NRG1: variants seen among roughly 807,000 people sequenced by gnomAD.
NRG1 encodes the protein neuregulin 1, also known as pro-neuregulin-1, membrane-bound isoform.
Under a neutral mutation model 63.8 loss-of-function variants are expected in NRG1, and 18 were observed. The ratio of observed to expected loss-of-function variants is 0.28; its 90% CI spans 0.19 to 0.42. NRG1 has a LOEUF of 0.42. Among genes scored for constraint, NRG1 ranks in the 10% least tolerant of loss-of-function variants. NRG1 has a pLI of 1.00. For missense variants in NRG1, 762 were observed against 814.7 expected (o/e 0.94, Z 0.79); for synonymous variants, 302 against 301.3 (o/e 1.00, Z -0.02).
chr8:32,723,804 G>A (rs1260503996), intron 5 of NRG1, among the ~76,000 whole-genome samples: 2 of 150,830 alleles, frequency 1.3e-5, no homozygotes, highest in Non-Finnish European at 3.0e-5. Flanking sequence ...GGGAGGGAGG[G>A]GCAGGCTGAA....
At chr8:32,308,097 C>G (rs1056635029) in intron 1 of NRG1, among the ~76,000 whole-genome samples, 1 of 152,174 alleles carries the variant, frequency 6.6e-6, no homozygotes, top group Non-Finnish European at 1.5e-5. Context: ...TAGGGTGTCT[C>G]TGTTTTTTTG....
At chr8:32,506,176 G>T (rs1440476565) in intron 1 of NRG1, among the ~76,000 whole-genome samples, 1 of 152,192 alleles carries the variant, frequency 6.6e-6, no homozygotes, top group Non-Finnish European at 1.5e-5. Context: ...TTGACCCTGG[G>T]AGTTTGAAGT....
At chr8:31,871,566 GC>G (rs1479839700) in intron 1 of NRG1, among the ~76,000 whole-genome samples, 1 of 151,958 alleles carries the variant, frequency 6.6e-6, no homozygotes, top group Non-Finnish European at 1.5e-5. Context: ...TCCAGAGTCT[GC>G]CCATAGGCCA....
At chr8:32,055,271 A>T (rs1822730706) in intron 1 of NRG1, among the ~76,000 whole-genome samples, 1 of 152,124 alleles carries the variant, frequency 6.6e-6, no homozygotes, top group Non-Finnish European at 1.5e-5. Context: ...TTTTGTGTGT[A>T]ACATTTGAGC....
chr8:31,956,618 C>T lies in NRG1; in HGVS notation c.37+317187C>T, dbSNP rs370585768. Among the ~76,000 whole-genome samples, 40 of 151,802 alleles carry T rather than the reference C, an allele frequency of 2.6e-4. No individual in the cohort carries two copies. In the East Asian group the frequency reaches 6.2e-3, roughly 24 times the overall value. On this transcript the variant is annotated intron_variant, in intron 1 of 10. Coordinates refer to the NRG1 transcript ENST00000519301. Reference sequence around the variant, plus strand: ...CAGTCTGGGCGATAAAGCGAGACTCCGTCTCAAAAAAAAAAAGTATTCTGT... The same window carrying T: ...CAGTCTGGGCGATAAAGCGAGACTCTGTCTCAAAAAAAAAAAGTATTCTGT...
At chr8:32,123,373 C>T (rs2131570534) in intron 1 of NRG1, among the ~76,000 whole-genome samples, 1 of 151,914 alleles carries the variant, frequency 6.6e-6, no homozygotes, top group Non-Finnish European at 1.5e-5. Context: ...AGTTCCCCTA[C>T]ACAAGTTCTC....
chr8:32,648,023 G>A (rs1304015119), intron 5 of NRG1: 1 of 1,614,134 alleles, frequency 6.2e-7, no homozygotes, highest in Non-Finnish European at 8.5e-7. Flanking sequence ...TTGTGGACAA[G>A]ATCTTTGAAT....
At chr8:32,152,684 AG>A (rs757438851) in intron 1 of NRG1, among the ~76,000 whole-genome samples, 25 of 152,340 alleles carry the variant, frequency 1.6e-4, no homozygotes, top group Admixed American at 5.9e-4. Context: ...TAATATAGAA[AG>A]AATTGTCCCA....
At chr8:32,508,104 C>T (rs1397296363) in intron 1 of NRG1, among the ~76,000 whole-genome samples, 1 of 152,196 alleles carries the variant, frequency 6.6e-6, no homozygotes, top group Non-Finnish European at 1.5e-5. Context: ...CACTTTTCAA[C>T]CATTAACAAA....
At chr8:32,561,520 C>G (rs1204955916) in intron 1 of NRG1, among the ~76,000 whole-genome samples, 2 of 144,110 alleles carry the variant, frequency 1.4e-5, no homozygotes, top group Non-Finnish European at 3.1e-5. Context: ...CCTCAGCGCT[C>G]TTAAACTTTT....
rs141495193 is a variant in NRG1, at chr8:31,720,438, C to T, written c.37+81007C>T. Among the ~76,000 whole-genome samples the T allele has an allele frequency of 3.8e-3, 584 of 152,212 alleles. 1 individual carries two copies. The highest frequency in any genetic ancestry group is 0.018 in the South Asian group (89 of 4,826). ...ATCATCCCATCACCTAGGTGTTAAG[C>T]CCAGCATCCATTAGCTATTCTTCCT... On this transcript the variant is annotated intron_variant, in intron 1 of 10. Coordinates refer to the NRG1 transcript ENST00000519301.
chr8:31,881,461 G>A (rs1830340039), intron 1 of NRG1, among the ~76,000 whole-genome samples: 1 of 152,088 alleles, frequency 6.6e-6, no homozygotes, highest in Non-Finnish European at 1.5e-5. Context: ...TATTCCTTGA[G>A]ACAAAATAAT....
chr8:32,750,827 G>A (rs1467447884), intron 7 of NRG1, among the ~76,000 whole-genome samples: 1 of 152,022 alleles, frequency 6.6e-6, no homozygotes, highest in Admixed American at 6.6e-5. Context: ...GAAACACAAG[G>A]GGGAGCACCT....
intron 1 of NRG1, among the ~76,000 whole-genome samples, chr8:32,437,307 TTTG>T (rs1472793256): frequency 1.3e-5 from 2 of 149,172 alleles, no homozygotes; most frequent in African/African-American, 5.2e-5. Context: ...TAGTGTTTTT[TTTG>T]TTTGTTTGTT....
intron 1 of NRG1, among the ~76,000 whole-genome samples, chr8:32,504,758 AG>A (rs562752334): frequency 4.5e-4 from 69 of 152,280 alleles, no homozygotes; most frequent in African/African-American, 1.6e-3. Context: ...AGATGGAACA[AG>A]AGGTTACCTG....
intron 1 of NRG1, among the ~76,000 whole-genome samples, chr8:31,773,724 A>G (rs1453190000): frequency 6.6e-6 from 1 of 152,194 alleles, no homozygotes; most frequent in Admixed American, 6.5e-5. Flanking sequence ...CTCTCCATAT[A>G]TAAGTCCTTC....
chr8:31,948,678 C>T (rs1425349843), intron 1 of NRG1, among the ~76,000 whole-genome samples: 1 of 152,152 alleles, frequency 6.6e-6, no homozygotes, highest in Non-Finnish European at 1.5e-5. Flanking sequence ...AATGAGATGG[C>T]TGAAACCTGT....
intron 7 of NRG1, among the ~76,000 whole-genome samples, chr8:32,744,318 C>T (rs996020773): frequency 2.0e-5 from 3 of 152,034 alleles, no homozygotes; most frequent in Non-Finnish European, 2.9e-5. Flanking sequence ...AAGACAACTT[C>T]GTAGGCCATT....
At chr8:32,561,550 T>G (rs992577713) in intron 1 of NRG1, among the ~76,000 whole-genome samples, 9 of 152,202 alleles carry the variant, frequency 5.9e-5, no homozygotes, top group East Asian at 1.9e-4. Context: ...AATGCCTTTA[T>G]GCAGGAAACT....
Sources: allele counts gnomAD v4.1 joint callset (sites outside exome capture counted in the v4.1 genomes callset), GRCh38; gene constraint gnomAD v4.1.1; transcripts MANE v1.5; gene names NCBI Gene and HGNC (gene_info 2026-07-23, HGNC 2026-07-21).